DLG2: variants seen among roughly 807,000 people sequenced by gnomAD.
DLG2 encodes the protein disks large homolog 2.
DLG2 carries 45 observed loss-of-function variants against 132.5 expected under a neutral mutation model. The observed-to-expected ratio is 0.34, with a 90% CI of 0.27 to 0.44. DLG2 has a LOEUF of 0.44. Ranked by LOEUF, DLG2 falls within the 20% of genes least tolerant of loss-of-function variation. DLG2 has a pLI of 1.00. For missense variants in DLG2, 1,045 were observed against 1,196.9 expected, an observed-to-expected ratio of 0.87 and a Z score of 1.87; for synonymous variants, 424 against 419.6, an observed-to-expected ratio of 1.01 and a Z score of -0.13.
At chr11:85,134,453 C>T (rs1271567095) in intron 5 of DLG2, among the ~76,000 whole-genome samples, 2 of 137,052 alleles carry the variant, frequency 1.5e-5, no homozygotes, top group African/African-American at 5.4e-5. Flanking sequence ...GGCGTGAACC[C>T]GGGAGGCGGA....
intron 11 of DLG2, among the ~76,000 whole-genome samples, chr11:84,051,222 C>A (rs1250766762): frequency 6.6e-6 from 1 of 151,846 alleles, no homozygotes; most frequent in African/African-American, 2.4e-5. Context: ...GTGGTGATTC[C>A]TCAGGGATCT....
chr11:83,842,426 T>C (rs996260719), intron 16 of DLG2, among the ~76,000 whole-genome samples: 3 of 147,394 alleles, frequency 2.0e-5, no homozygotes, highest in African/African-American at 7.6e-5. Flanking sequence ...AAACCCCATC[T>C]CTACTAAAAA....
At chr11:84,154,868 T>C (rs2095395526) in intron 9 of DLG2, among the ~76,000 whole-genome samples, 1 of 152,216 alleles carries the variant, frequency 6.6e-6, no homozygotes, top group African/African-American at 2.4e-5. Flanking sequence ...ATGGTGTATA[T>C]GTGCCACATT....
At chr11:84,273,360 T>A in intron 7 of DLG2, 1 of 1,315,748 alleles carries the variant, frequency 7.6e-7, no homozygotes, top group Non-Finnish European at 9.7e-7. Flanking sequence ...AACTTCTTAA[T>A]TAGATCTGCT....
chr11:84,174,138 T>C (rs562839779), intron 8 of DLG2, among the ~76,000 whole-genome samples: 2 of 148,998 alleles, frequency 1.3e-5, no homozygotes, highest in Non-Finnish European at 3.0e-5. Flanking sequence ...TACCACTCTA[T>C]ATCTCTGTTA....
chr11:84,021,353 GAA>G (rs3040383), intron 11 of DLG2, among the ~76,000 whole-genome samples: 8 of 148,002 alleles, frequency 5.4e-5, no homozygotes, highest in East Asian at 2.0e-4. Context: ...AGCTGAGAAA[GAA>G]AAAAAAAAAT....
intron 3 of DLG2, among the ~76,000 whole-genome samples, chr11:85,521,912 T>G (rs2074344083): frequency 6.6e-6 from 1 of 152,030 alleles, no homozygotes; most frequent in African/African-American, 2.4e-5. Flanking sequence ...CATAAAAGTT[T>G]GGAGAATTTG....
chr11:85,397,511 G>A (rs891382824), intron 3 of DLG2, among the ~76,000 whole-genome samples: 3 of 152,006 alleles, frequency 2.0e-5, no homozygotes, highest in Admixed American at 6.6e-5. Context: ...AAGCACCATT[G>A]GTATGCTGTA....
intron 9 of DLG2, among the ~76,000 whole-genome samples, chr11:84,150,506 G>A (rs1313685758): frequency 6.6e-6 from 1 of 152,134 alleles, no homozygotes; most frequent in Non-Finnish European, 1.5e-5. Context: ...GAGAAACATA[G>A]TATTTTATAC....
At chr11:84,224,326 C>A (rs1473817623) in intron 8 of DLG2, among the ~76,000 whole-genome samples, 1 of 152,202 alleles carries the variant, frequency 6.6e-6, no homozygotes, top group African/African-American at 2.4e-5. Context: ...TTTTGTTACA[C>A]TGAACCAGCC....
intron 19 of DLG2, among the ~76,000 whole-genome samples, chr11:83,559,792 G>T (rs1300474075): frequency 6.6e-6 from 1 of 152,160 alleles, no homozygotes; most frequent in Non-Finnish European, 1.5e-5. Flanking sequence ...TTTAGCAAAG[G>T]ACATGATGCC....
chr11:84,290,887 A>G (rs1478528614), intron 7 of DLG2, among the ~76,000 whole-genome samples: 1 of 152,154 alleles, frequency 6.6e-6, no homozygotes, highest in African/African-American at 2.4e-5. Context: ...CAGTGTTGCT[A>G]TGAGTAAGTT....
chr11:85,514,144 T>C (rs2094130172), intron 3 of DLG2, among the ~76,000 whole-genome samples: 1 of 152,006 alleles, frequency 6.6e-6, no homozygotes, highest in South Asian at 2.1e-4. Flanking sequence ...ATAGGTATCA[T>C]TTCCTGTGTG....
chr11:85,421,420 C>CT (rs879386240), intron 3 of DLG2, among the ~76,000 whole-genome samples: 2 of 145,890 alleles, frequency 1.4e-5, no homozygotes, highest in African/African-American at 2.5e-5. Flanking sequence ...ATCCCTCCCC[C>CT]TTTTTTTTTT....
intron 3 of DLG2, among the ~76,000 whole-genome samples, chr11:85,507,790 C>A (rs1480144052): frequency 1.3e-5 from 2 of 152,092 alleles, no homozygotes; most frequent in Non-Finnish European, 2.9e-5. Flanking sequence ...TGGATACTAT[C>A]CTGCAGAGTG....
At chr11:85,065,856 T>TA (rs577746926) in intron 6 of DLG2, among the ~76,000 whole-genome samples, 85 of 150,802 alleles carry the variant, frequency 5.6e-4, no homozygotes, top group Non-Finnish European at 9.6e-4. Flanking sequence ...AATGCCTATG[T>TA]AAAAAAAATA....
At chr11:85,154,937 A>G (rs2077493924) in intron 4 of DLG2, among the ~76,000 whole-genome samples, 1 of 152,212 alleles carries the variant, frequency 6.6e-6, no homozygotes, top group Admixed American at 6.5e-5. Context: ...TGATCTGGTT[A>G]AAGCTGAGCA....
At chr11:83,464,903 A>G (rs960240891) in intron 26 of DLG2, among the ~76,000 whole-genome samples, 7 of 152,210 alleles carry the variant, frequency 4.6e-5, no homozygotes, top group Admixed American at 4.6e-4. Context: ...CTTCTCATTA[A>G]TGTTAGCATT....
intron 20 of DLG2, among the ~76,000 whole-genome samples, chr11:83,538,111 T>C (rs1294157747): frequency 6.6e-6 from 1 of 152,200 alleles, no homozygotes; most frequent in Non-Finnish European, 1.5e-5. Context: ...TTTAGCACAA[T>C]GTCTGATCTA....
Sources: allele counts gnomAD v4.1 joint callset (sites outside exome capture counted in the v4.1 genomes callset), GRCh38; gene constraint gnomAD v4.1.1; transcripts MANE v1.5; gene names NCBI Gene and HGNC (gene_info 2026-07-23, HGNC 2026-07-21).